The following BBOX1 variants were observed in gnomAD, a reference collection of about 807,000 sequenced individuals.
BBOX1 encodes the protein gamma-butyrobetaine dioxygenase.
In BBOX1, 35 loss-of-function variants were observed where a neutral mutation model predicts 41.6. The observed-to-expected ratio is 0.84, with a 90% CI of 0.64 to 1.11. The LOEUF (loss-of-function observed/expected upper bound fraction) is 1.11, where lower values mean the gene tolerates loss of function less well. BBOX1 is among the 50% of genes most tolerant of loss of function. The pLI, the probability that BBOX1 is intolerant of heterozygous loss-of-function variation, is 0.00. For synonymous variants in BBOX1, 163 were observed against 154.7 expected, an observed-to-expected ratio of 1.05 and a Z score of -0.40; for missense variants, 458 against 460.6, an observed-to-expected ratio of 0.99 and a Z score of 0.05.
Position 27,116,403 on chromosome 11 carries a change from C to A in BBOX1, c.639+846C>A, listed in dbSNP as rs149455610. ...CGGGTTGATAGATGCAGCAAACCAC[C>A]ATGGCACGTGTATATATATGTAACA... On this transcript the variant is annotated intron_variant, in intron 6 of 8. Coordinates refer to ENST00000263182, the MANE Select transcript of BBOX1 (RefSeq NM_003986.3). Among the ~76,000 whole-genome samples the A allele has an allele frequency of 5.2e-3, 793 of 151,698 alleles. 4 individuals carry two copies. The highest frequency in any genetic ancestry group is 0.018 in the African/African-American group (758 of 41,370).
At chr11:27,059,429 GC>G (rs1857075845) in intron 4 of BBOX1, among the ~76,000 whole-genome samples, 1 of 152,216 alleles carries the variant, frequency 6.6e-6, no homozygotes, top group Non-Finnish European at 1.5e-5. Flanking sequence ...TGCTGCAGGG[GC>G]AGAGCCCTCA....
At chr11:27,118,082 CTT>C (rs1590226612) in intron 6 of BBOX1, among the ~76,000 whole-genome samples, 1 of 151,868 alleles carries the variant, frequency 6.6e-6, no homozygotes, top group East Asian at 1.9e-4. Context: ...AGAATTGACT[CTT>C]GGGAAGAAAA....
At chr11:27,104,395 T>C (rs1488353061) in intron 5 of BBOX1, among the ~76,000 whole-genome samples, 1 of 152,168 alleles carries the variant, frequency 6.6e-6, no homozygotes, top group Non-Finnish European at 1.5e-5. Context: ...TATTTCCTGG[T>C]TCATGGGAAT....
chr11:27,065,002 A>G (rs771795661), intron 4 of BBOX1, among the ~76,000 whole-genome samples: 5 of 152,106 alleles, frequency 3.3e-5, no homozygotes, highest in Non-Finnish European at 5.9e-5. Context: ...ATGCCTTAGC[A>G]GAATCAGGCT....
intron 2 of BBOX1, among the ~76,000 whole-genome samples, chr11:27,047,799 T>G (rs1402638999): frequency 6.6e-6 from 1 of 151,996 alleles, no homozygotes; most frequent in Non-Finnish European, 1.5e-5. Flanking sequence ...CAATGAGTTA[T>G]TATACATAAA....
intron 4 of BBOX1, among the ~76,000 whole-genome samples, chr11:27,057,962 A>C (rs912018119): frequency 1.1e-4 from 17 of 152,170 alleles, no homozygotes; most frequent in African/African-American, 3.4e-4. Context: ...AAGCAAAATA[A>C]ATACTTAAAA....
At chr11:27,072,339 A>C (rs534346991) in intron 4 of BBOX1, among the ~76,000 whole-genome samples, 5 of 152,172 alleles carry the variant, frequency 3.3e-5, no homozygotes, top group Non-Finnish European at 5.9e-5. Flanking sequence ...AAAGAGAATA[A>C]AATACCTAGG....
chr11:27,125,644 AAT>A lies in BBOX1; in HGVS notation c.837-8_837-7del. The A allele has an allele frequency of 6.6e-7, 1 of 1,505,876 alleles. No homozygotes were observed. The highest frequency in any genetic ancestry group is 8.9e-7 in the Non-Finnish European group (1 of 1,125,212). 93.3% of individuals were successfully genotyped at this position (1,505,876 alleles called of 1,614,324 possible). On this transcript the variant is annotated splice_region_variant and splice_polypyrimidine_tract_variant and intron_variant, in intron 7 of 8. Coordinates refer to ENST00000263182, the MANE Select transcript of BBOX1 (RefSeq NM_003986.3). Reference sequence around the variant, plus strand: ...GAATTATATATTAATTTTTTCTCTTAATAAAACAGGTTAGATGATAAAGGCCA... The same window carrying A: ...GAATTATATATTAATTTTTTCTCTTAAAAACAGGTTAGATGATAAAGGCCA...
At chr11:27,052,703 A>C (rs905346743) in intron 2 of BBOX1, among the ~76,000 whole-genome samples, 2 of 152,074 alleles carry the variant, frequency 1.3e-5, no homozygotes, top group Non-Finnish European at 2.9e-5. Context: ...CTAGCAAATA[A>C]AGGTTTAAAT....
intron 5 of BBOX1, among the ~76,000 whole-genome samples, chr11:27,096,404 T>A (rs1184550281): frequency 6.6e-6 from 1 of 151,950 alleles, no homozygotes; most frequent in Non-Finnish European, 1.5e-5. Flanking sequence ...GAAAAGAGAT[T>A]AAACAATAGA....
chr11:27,115,429 C>T (rs751117901), intron 5 of BBOX1, 23 bp from the exon 6 acceptor site: 1 of 1,586,618 alleles, frequency 6.3e-7, no homozygotes, highest in Non-Finnish European at 8.6e-7. Flanking sequence ...CCTGTTTAAA[C>T]ATGTGTTTCT....
chr11:27,070,617 T>C (rs953603889), intron 4 of BBOX1, among the ~76,000 whole-genome samples: 3 of 152,116 alleles, frequency 2.0e-5, no homozygotes, highest in Non-Finnish European at 4.4e-5. Context: ...GCATGGAGTA[T>C]CTTTTCCCAC....
intron 4 of BBOX1, among the ~76,000 whole-genome samples, chr11:27,073,921 G>T (rs978315481): frequency 7.9e-5 from 12 of 152,120 alleles, no homozygotes; most frequent in East Asian, 1.9e-4. Flanking sequence ...TGTGGGGTGG[G>T]GGTAAGGGGG....
At chr11:27,095,243 T>A (rs1202710596) in intron 5 of BBOX1, among the ~76,000 whole-genome samples, 1 of 151,990 alleles carries the variant, frequency 6.6e-6, no homozygotes, top group Non-Finnish European at 1.5e-5. Context: ...GACAACAAAC[T>A]TTTTGTATCT....
chr11:27,072,124 T>C (rs1209395254), intron 4 of BBOX1, among the ~76,000 whole-genome samples: 1 of 152,154 alleles, frequency 6.6e-6, no homozygotes, highest in Non-Finnish European at 1.5e-5. Flanking sequence ...AAAGAGGAAG[T>C]CAAATTGTCC....
chr11:27,054,999 A>G (rs1856935769), intron 2 of BBOX1, among the ~76,000 whole-genome samples: 1 of 152,192 alleles, frequency 6.6e-6, no homozygotes, highest in Non-Finnish European at 1.5e-5. Context: ...CACCAGTTAA[A>G]ATAGGACAGG....
intron 4 of BBOX1, among the ~76,000 whole-genome samples, chr11:27,082,512 G>T (rs1423284555): frequency 2.6e-5 from 4 of 152,038 alleles, no homozygotes; most frequent in Non-Finnish European, 5.9e-5. Context: ...GATATCCTTT[G>T]GTGCGTGTTT....
At chr11:27,058,746 G>A (rs1223016034) in intron 4 of BBOX1, among the ~76,000 whole-genome samples, 1 of 152,166 alleles carries the variant, frequency 6.6e-6, no homozygotes, top group East Asian at 1.9e-4. Context: ...GGTATCTAGT[G>A]AAATAAATTT....
At chr11:27,111,955 AC>A (rs138760400) in intron 5 of BBOX1, among the ~76,000 whole-genome samples, 4,987 of 152,064 alleles carry the variant, frequency 0.033, 125 homozygotes, top group South Asian at 0.11. Context: ...ATGAACATGT[AC>A]AAACATCAAA....
Sources: gnomAD v4.1 joint callset for allele counts (sites outside exome capture counted in the v4.1 genomes callset) on GRCh38, gnomAD v4.1.1 for gene constraint, MANE v1.5 for transcripts, NCBI Gene and HGNC (gene_info 2026-07-23, HGNC 2026-07-21) for gene names.